Variants in NARS2 observed in about 807,000 individuals in gnomAD.
The protein encoded by NARS2 is asparaginyl-tRNA synthetase 2, mitochondrial, also known as asparaginyl-tRNA synthetase.
NARS2 carries 60 observed loss-of-function variants against 62.9 expected under a neutral mutation model. The observed-to-expected ratio is 0.95, with a 90% CI of 0.77 to 1.18. The LOEUF (loss-of-function observed/expected upper bound fraction) is 1.18. NARS2 is among the 50% of genes most tolerant of loss of function. The pLI is 0.00. For missense variants in NARS2, 619 were observed against 576.4 expected (o/e 1.07, Z -0.76); for synonymous variants, 196 against 200.0 (o/e 0.98, Z 0.17).
intron 5 of NARS2, among the ~76,000 whole-genome samples, chr11:78,530,997 AC>A (rs1466637761): frequency 6.6e-6 from 1 of 152,142 alleles, no homozygotes; most frequent in African/African-American, 2.4e-5. Context: ...TTGTATTATC[AC>A]CTATATATTT....
intron 7 of NARS2, among the ~76,000 whole-genome samples, chr11:78,480,342 C>A (rs1172416674): frequency 6.6e-6 from 1 of 151,970 alleles, no homozygotes; most frequent in African/African-American, 2.4e-5. Flanking sequence ...GTAGCCTCTG[C>A]CTCCTGGGTT....
At chr11:78,490,943 T>TTAAC (rs946965875) in intron 7 of NARS2, among the ~76,000 whole-genome samples, 17 of 152,316 alleles carry the variant, frequency 1.1e-4, no homozygotes, top group African/African-American at 4.1e-4. Context: ...GGTATGTAGC[T>TTAAC]TAACCTATCT....
At chr11:78,466,675 G>A (rs1311874071) in intron 10 of NARS2, among the ~76,000 whole-genome samples, 1 of 152,102 alleles carries the variant, frequency 6.6e-6, no homozygotes, top group Non-Finnish European at 1.5e-5. Flanking sequence ...TAGAGATGGG[G>A]TTTCACTACG....
chr11:78,478,404 T>C (rs1165744292), intron 9 of NARS2, 34 bp downstream of exon 9: 2 of 919,738 alleles, frequency 2.2e-6, no homozygotes, highest in East Asian at 2.9e-5. Context: ...ACAGTGATAA[T>C]GAATAAAGTT....
intron 6 of NARS2, among the ~76,000 whole-genome samples, chr11:78,506,002 C>A (rs1860482550): frequency 6.6e-6 from 1 of 151,472 alleles, no homozygotes; most frequent in South Asian, 2.1e-4. Context: ...TCTTACAACC[C>A]AATAATAAAA....
intron 6 of NARS2, among the ~76,000 whole-genome samples, chr11:78,522,441 A>G (rs889752463): frequency 3.3e-5 from 5 of 152,214 alleles, no homozygotes; most frequent in Admixed American, 6.5e-5. Context: ...ATTCCACAAG[A>G]AGGATTTCAT....
At chr11:78,497,711 A>G (rs1301409209) in intron 6 of NARS2, among the ~76,000 whole-genome samples, 2 of 152,166 alleles carry the variant, frequency 1.3e-5, no homozygotes, top group Admixed American at 6.6e-5. Flanking sequence ...CTACATGCCT[A>G]AAAGAGTAGA....
intron 13 of NARS2, among the ~76,000 whole-genome samples, chr11:78,438,509 A>G (rs1401600114): frequency 1.3e-5 from 2 of 152,218 alleles, no homozygotes; most frequent in Non-Finnish European, 2.9e-5. Context: ...AGATGGGTCT[A>G]AATTTCTCAT....
At chr11:78,468,063 C>A (rs1003228370) in intron 10 of NARS2, among the ~76,000 whole-genome samples, 3 of 145,412 alleles carry the variant, frequency 2.1e-5, no homozygotes, top group African/African-American at 2.5e-5. Flanking sequence ...AAAAAGAATT[C>A]TTGGCTGGGT....
chr11:78,448,524 T>G (rs1336416996), intron 11 of NARS2, among the ~76,000 whole-genome samples: 1 of 152,068 alleles, frequency 6.6e-6, no homozygotes, highest in Non-Finnish European at 1.5e-5. Flanking sequence ...CCACCTGATC[T>G]TGAACCACGA....
intron 6 of NARS2, among the ~76,000 whole-genome samples, chr11:78,501,846 A>G (rs1860293373): frequency 6.6e-6 from 1 of 152,244 alleles, no homozygotes; most frequent in Non-Finnish European, 1.5e-5. Flanking sequence ...GTATACCTCA[A>G]AGAAATAATA....
intron 5 of NARS2, among the ~76,000 whole-genome samples, chr11:78,556,649 A>C (rs114734365): frequency 0.011 from 1,647 of 152,338 alleles, 33 homozygotes; most frequent in African/African-American, 0.039. Flanking sequence ...TATAGAAGGA[A>C]GTGTTGCCTG....
intron 6 of NARS2, among the ~76,000 whole-genome samples, chr11:78,510,045 A>AACC (rs1860661544): frequency 6.6e-6 from 1 of 152,198 alleles, no homozygotes; most frequent in African/African-American, 2.4e-5. Context: ...AACTAAAGAA[A>AACC]AACACAGTAA....
chr11:78,475,580 C>CAT (rs1859056401), intron 9 of NARS2, among the ~76,000 whole-genome samples: 1 of 93,976 alleles, frequency 1.1e-5, no homozygotes, highest in African/African-American at 4.2e-5. Flanking sequence ...TATCATTTGA[C>CAT]TTTTTTTTTT....
At chr11:78,505,321 C>T (rs1216847180) in intron 6 of NARS2, among the ~76,000 whole-genome samples, 2 of 103,214 alleles carry the variant, frequency 1.9e-5, no homozygotes, top group Admixed American at 9.4e-5. Flanking sequence ...CACACACACA[C>T]ACATACGTAT....
intron 5 of NARS2, among the ~76,000 whole-genome samples, chr11:78,541,930 C>T (rs1202689552): frequency 6.6e-6 from 1 of 152,052 alleles, no homozygotes; most frequent in Non-Finnish European, 1.5e-5. Context: ...TCTATTTTGC[C>T]GGTTATGTTA....
intron 2 of NARS2, among the ~76,000 whole-genome samples, chr11:78,570,067 G>C (rs1389263169): frequency 6.6e-6 from 1 of 152,070 alleles, no homozygotes; most frequent in Non-Finnish European, 1.5e-5. Context: ...TCGCACACCT[G>C]TAATCCCAAC....
chr11:78,571,269 G>A, intron 2 of NARS2, 66 bp downstream of exon 2: 1 of 947,852 alleles, frequency 1.1e-6, no homozygotes, highest in Non-Finnish European at 1.7e-6. Flanking sequence ...CACTGGAGTA[G>A]GGAAGTGAGA....
At chr11:78,489,392 T>C (rs901815860) in intron 7 of NARS2, among the ~76,000 whole-genome samples, 12 of 152,116 alleles carry the variant, frequency 7.9e-5, no homozygotes, top group African/African-American at 2.9e-4. Context: ...GAGATACTAA[T>C]ACACAGCTCT....
Sources: allele counts gnomAD v4.1 joint callset (sites outside exome capture counted in the v4.1 genomes callset), GRCh38; gene constraint gnomAD v4.1.1; transcripts MANE v1.5; gene names NCBI Gene and HGNC (gene_info 2026-07-23, HGNC 2026-07-21).